Variants in LINGO2 observed in about 807,000 individuals in gnomAD.
The protein encoded by LINGO2 is leucine rich repeat and Ig domain containing 2.
In LINGO2, 14 loss-of-function variants were observed where a neutral mutation model predicts 30.6. The ratio of observed to expected loss-of-function variants is 0.46; its 90% CI spans 0.30 to 0.72. LINGO2 has a LOEUF of 0.72. Among genes scored for constraint, LINGO2 ranks in the 30% least tolerant of loss-of-function variants. The pLI, the probability that LINGO2 is intolerant of heterozygous loss-of-function variation, is 0.07. For missense variants in LINGO2, 729 were observed against 751.7 expected (o/e 0.97, Z 0.35); for synonymous variants, 317 against 288.5 (o/e 1.10, Z -1.00).
chr9:28,748,644 T>C, the LINGO2 span, among the ~76,000 whole-genome samples: 6 of 152,028 alleles, frequency 3.9e-5, no homozygotes, highest in Non-Finnish European at 8.8e-5. Context: ...AATAGTATTA[T>C]ATTTGCTTGA....
chr9:28,616,376 T>C (rs934349301), intron 1 of LINGO2, among the ~76,000 whole-genome samples: 3 of 152,090 alleles, frequency 2.0e-5, no homozygotes, highest in Non-Finnish European at 4.4e-5. Flanking sequence ...GTCAGTCCGT[T>C]TGGCTTTGAG....
At chr9:29,163,663 A>C in the LINGO2 span, among the ~76,000 whole-genome samples, 3 of 152,228 alleles carry the variant, frequency 2.0e-5, no homozygotes, top group East Asian at 5.8e-4. Context: ...GTTCTAAGCC[A>C]TAAGACTATG....
chr9:28,644,382 G>A lies in LINGO2; in HGVS notation c.-365+25818C>T, dbSNP rs537560829. ...CCATAAAAAAGAATGAGATCCTGTCGTTTGCAAGAAGGTTCCTGGCTAAGT... is the reference window on the plus strand; with the variant it reads ...CCATAAAAAAGAATGAGATCCTGTCATTTGCAAGAAGGTTCCTGGCTAAGT... On this transcript the variant is annotated intron_variant, in intron 1 of 5. Transcript: ENST00000379992. 8.6e-5 allele frequency among the ~76,000 whole-genome samples: 13 copies of A among 151,894 alleles called. 1 individual carries two copies. In the South Asian group the frequency reaches 1.9e-3, roughly 22 times the overall value.
the LINGO2 span, among the ~76,000 whole-genome samples, chr9:28,739,985 C>T: frequency 6.7e-6 from 1 of 149,006 alleles, no homozygotes; most frequent in Middle Eastern, 3.4e-3. Flanking sequence ...CCTTGTTTTC[C>T]CAGAATAAAT....
intron 4 of LINGO2, among the ~76,000 whole-genome samples, chr9:28,068,125 T>C (rs1287337120): frequency 6.6e-6 from 1 of 152,200 alleles, no homozygotes; most frequent in Non-Finnish European, 1.5e-5. Context: ...TTAGACTTTA[T>C]GGAATCAAAT....
At chr9:27,974,190 G>A (rs1820485498) in intron 5 of LINGO2, among the ~76,000 whole-genome samples, 1 of 152,152 alleles carries the variant, frequency 6.6e-6, no homozygotes, top group Admixed American at 6.6e-5. Flanking sequence ...TGTACTTTAT[G>A]GCCCTGAGAG....
chr9:28,687,378 A>G, the LINGO2 span, among the ~76,000 whole-genome samples: 2 of 152,124 alleles, frequency 1.3e-5, no homozygotes, highest in South Asian at 2.1e-4. Flanking sequence ...GTTAATTTTC[A>G]GTGTTATATT....
chr9:28,282,902 C>T (rs1310603445), intron 4 of LINGO2, among the ~76,000 whole-genome samples: 1 of 152,074 alleles, frequency 6.6e-6, no homozygotes, highest in Non-Finnish European at 1.5e-5. Flanking sequence ...ACTGTAAGTC[C>T]CAGTAACTGA....
At chr9:29,143,686 T>C in the LINGO2 span, among the ~76,000 whole-genome samples, 2 of 152,158 alleles carry the variant, frequency 1.3e-5, no homozygotes, top group Non-Finnish European at 2.9e-5. Flanking sequence ...GTCAGATGGA[T>C]AGATTGCAAA....
At chr9:28,703,559 G>A in the LINGO2 span, among the ~76,000 whole-genome samples, 13 of 150,780 alleles carry the variant, frequency 8.6e-5, no homozygotes, top group East Asian at 6.0e-4. Context: ...TGAAAAAAAC[G>A]TGTATTTCCT....
At chr9:28,854,912 T>A in the LINGO2 span, among the ~76,000 whole-genome samples, 1 of 151,990 alleles carries the variant, frequency 6.6e-6, no homozygotes, top group Non-Finnish European at 1.5e-5. Context: ...AAAAAGAATG[T>A]CAATTATTAA....
intron 4 of LINGO2, among the ~76,000 whole-genome samples, chr9:28,080,353 C>T (rs1367529184): frequency 6.6e-6 from 1 of 152,146 alleles, no homozygotes. Flanking sequence ...TACTTATTCA[C>T]TAGAATCAAC....
chr9:28,964,084 A>T, the LINGO2 span, among the ~76,000 whole-genome samples: 1 of 151,806 alleles, frequency 6.6e-6, no homozygotes, highest in Non-Finnish European at 1.5e-5. Flanking sequence ...CATCCCCTCT[A>T]CATACATATA....
At chr9:28,128,723 C>T (rs1587045211) in intron 4 of LINGO2, among the ~76,000 whole-genome samples, 1 of 152,302 alleles carries the variant, frequency 6.6e-6, no homozygotes, top group Admixed American at 6.5e-5. Context: ...CTGGTGAGGT[C>T]CAGCCCTGGT....
At chr9:28,058,851 TTAATC>T (rs1825047640) in intron 4 of LINGO2, among the ~76,000 whole-genome samples, 2 of 152,144 alleles carry the variant, frequency 1.3e-5, no homozygotes, top group South Asian at 2.1e-4. Flanking sequence ...TAATTCCAAC[TTAATC>T]TAAACTACTG....
At chr9:28,637,033 T>C (rs1827314787) in intron 1 of LINGO2, among the ~76,000 whole-genome samples, 1 of 152,236 alleles carries the variant, frequency 6.6e-6, no homozygotes, top group Non-Finnish European at 1.5e-5. Flanking sequence ...TTCAGCTTTC[T>C]ACATATGGCT....
the LINGO2 span, among the ~76,000 whole-genome samples, chr9:28,773,421 A>G: frequency 4.0e-5 from 6 of 151,642 alleles, no homozygotes; most frequent in Non-Finnish European, 8.8e-5. Flanking sequence ...AAGGATAGCT[A>G]TTTATGTATG....
the LINGO2 span, among the ~76,000 whole-genome samples, chr9:28,959,035 G>A: frequency 6.6e-6 from 1 of 152,280 alleles, no homozygotes; most frequent in East Asian, 1.9e-4. Context: ...AATCTGTGGT[G>A]TAGCTTGGTG....
intron 1 of LINGO2, among the ~76,000 whole-genome samples, chr9:28,532,664 T>C (rs1821279115): frequency 6.6e-6 from 1 of 152,086 alleles, no homozygotes; most frequent in Non-Finnish European, 1.5e-5. Context: ...AGTGCTCTGA[T>C]TCTCCTCTAG....
Sources: allele counts gnomAD v4.1 joint callset (sites outside exome capture counted in the v4.1 genomes callset), GRCh38; gene constraint gnomAD v4.1.1; transcripts MANE v1.5; gene names NCBI Gene and HGNC (gene_info 2026-07-23, HGNC 2026-07-21).